Variants in CD207 observed in about 807,000 individuals in gnomAD.
The protein encoded by CD207 is CD207 molecule.
A neutral mutation model predicts 31.6 loss-of-function variants in CD207; 28 were observed. The ratio of observed to expected loss-of-function variants is 0.89; its 90% CI spans 0.66 to 1.21. The LOEUF is 1.21. Ranked by LOEUF, CD207 falls within the 50% of genes most tolerant of loss-of-function variation. The pLI, the probability that CD207 is intolerant of heterozygous loss-of-function variation, is 0.00. For missense variants in CD207, 388 were observed against 397.8 expected, an observed-to-expected ratio of 0.98 and a Z score of 0.21; for synonymous variants, 168 against 153.9, an observed-to-expected ratio of 1.09 and a Z score of -0.68.
chr2:70,825,994 A>G (rs1328439747), downstream of CD207, among the ~76,000 whole-genome samples: 16 of 92,932 alleles, frequency 1.7e-4, 1 homozygote, highest in African/African-American at 5.3e-4. Context: ...AAAATTAAAA[A>G]AAAATTAGCT....
chr2:70,828,443 A>C (rs965973603), downstream of CD207, among the ~76,000 whole-genome samples: 1 of 152,142 alleles, frequency 6.6e-6, no homozygotes. Context: ...ACACATCCTC[A>C]CTGACTCAGG....
rs782617460 is a variant in CD207, at chr2:70,832,975, C to A, written c.642G>T (p.Lys214Asn). 4 of 1,614,026 alleles carry A rather than the reference C, an allele frequency of 2.5e-6. No homozygotes were observed. The highest frequency in any genetic ancestry group is 1.1e-5 in the South Asian group (1 of 91,086). The change falls in exon 4 of 6, where the codon AAG becomes AAT. Residue 214 changes from lysine (K) to asparagine (N), a missense_variant. Coordinates refer to ENST00000410009, the MANE Select transcript of CD207 (RefSeq NM_015717.5). ...GNFYYFSLIP[K>N]TWYSAEQFCV... ...AGAACTGCTCGGCACTATACCAGGT[C>A]TTTGGAATGAGAGAAAAGTAATAGA...
chr2:70,831,902 A>G, intron 4 of CD207, 83 bp from the exon 5 acceptor site: 1 of 908,372 alleles, frequency 1.1e-6, no homozygotes, highest in Non-Finnish European at 1.8e-6. Flanking sequence ...ACCTGCGCTC[A>G]GTGACAGCCC....
downstream of CD207, among the ~76,000 whole-genome samples, chr2:70,829,721 T>G (rs1419129325): frequency 6.6e-6 from 1 of 152,212 alleles, no homozygotes; most frequent in African/African-American, 2.4e-5. Context: ...TGTGACCCAT[T>G]TGCACCCAGA....
At chr2:70,829,810 C>A (rs782683149), downstream of CD207, among the ~76,000 whole-genome samples, 1 of 152,082 alleles carries the variant, frequency 6.6e-6, no homozygotes, top group Non-Finnish European at 1.5e-5. Context: ...CTCACTCCAC[C>A]CTCCTCTCCT....
downstream of CD207, among the ~76,000 whole-genome samples, chr2:70,827,293 G>A (rs541060780): frequency 2.6e-5 from 4 of 152,206 alleles, no homozygotes; most frequent in East Asian, 7.7e-4. Context: ...AAATTGGGTA[G>A]CCTGTGTTTT....
In CD207 at chr2:70,835,474, G is replaced by C. The variant is rs782391335; in HGVS notation, c.190+17C>G. The C allele has an allele frequency of 2.5e-6, 4 of 1,581,404 alleles. No individual in the cohort carries two copies. The highest frequency in any genetic ancestry group is 3.5e-6 in the Non-Finnish European group (4 of 1,151,302). The stretch of plus-strand genomic sequence containing the variant: ...CAGAGAGGGGCTAAGCCCAGACGAT[G>C]AAACATGAGGACTTACAAAGGACGG... On this transcript the variant is annotated intron_variant, in intron 2 of 5. Transcript: ENST00000410009.
chr2:70,834,653 A>T (rs1350983599), intron 2 of CD207, among the ~76,000 whole-genome samples: 1 of 152,218 alleles, frequency 6.6e-6, no homozygotes, highest in Non-Finnish European at 1.5e-5. Flanking sequence ...AGAGAGGATC[A>T]AAGATAAACC....
intron 3 of CD207, 86 bp downstream of exon 3, chr2:70,833,560 C>T: frequency 7.0e-7 from 1 of 1,423,890 alleles, no homozygotes. Context: ...CCTCCCCAAC[C>T]CACCAGCCCA....
chr2:70,829,815 TC>T (rs1553399368), downstream of CD207, among the ~76,000 whole-genome samples: 3 of 152,152 alleles, frequency 2.0e-5, no homozygotes, highest in Non-Finnish European at 4.4e-5. Context: ...TCCACCCTCC[TC>T]TCCTCTCTGT....
chr2:70,833,164 T>C, intron 3 of CD207, 113 bp from the exon 4 acceptor site: 7 of 955,350 alleles, frequency 7.3e-6, no homozygotes, highest in Non-Finnish European at 1.1e-5. Flanking sequence ...AGCTGTGCGC[T>C]GGTGTCCTTG....
At chr2:70,826,784 C>A (rs1677356378), downstream of CD207, among the ~76,000 whole-genome samples, 1 of 152,210 alleles carries the variant, frequency 6.6e-6, no homozygotes, top group Non-Finnish European at 1.5e-5. Flanking sequence ...AAAGGAAGAA[C>A]CACAAGAGTG....
At chr2:70,831,335 T>C (rs1677466640) in intron 5 of CD207, 135 bp from the exon 6 acceptor site, 1 of 876,062 alleles carries the variant, frequency 1.1e-6, no homozygotes, top group Non-Finnish European at 1.7e-6. Context: ...CACCCAAGCC[T>C]CAGAGGAAGG....
At position 70,835,740 on chromosome 2, in the gene CD207, T is replaced by C. The variant is rs1558630843; in HGVS notation, c.37A>G (p.Thr13Ala). ...AGGGAGATGTTCTGTTTGTCCACAG[T>C]GAAGTGCGCATCAGGGGCCTCCTTC... is the stretch of plus-strand genomic sequence containing the variant. ...VEKEAPDAHF[T>A]VDKQNISLWP... The change falls in exon 1 of 6, where the codon ACT becomes GCT. Residue 13 changes from threonine (T) to alanine (A), a missense_variant. Thr to Ala is a moderately conservative substitution (Grantham distance 58). Coordinates refer to ENST00000410009, the MANE Select transcript of CD207 (RefSeq NM_015717.5). 1 of 1,613,188 alleles carries C rather than the reference T, an allele frequency of 6.2e-7. No individual in the cohort carries two copies. The highest frequency in any genetic ancestry group is 1.7e-5 in the Admixed American group (1 of 59,890).
In CD207 at chr2:70,834,388, C is replaced by T. The variant is rs139574661; in HGVS notation, c.191-368G>A. 1.2e-4 allele frequency among the ~76,000 whole-genome samples: 18 copies of T among 152,150 alleles called. 1 individual carries two copies. The East Asian group carries it at 3.5e-3, about 29-fold the overall frequency. ...ATGAGCCCCACCACTGTCCCCAGAA[C>T]TTGATTCCCCCTAGACCCCACCCCT... On this transcript the variant is annotated intron_variant, in intron 2 of 5. Transcript: ENST00000410009.
chr2:70,828,038 A>G (rs1677386848), downstream of CD207, among the ~76,000 whole-genome samples: 1 of 152,238 alleles, frequency 6.6e-6, no homozygotes, highest in African/African-American at 2.4e-5. Context: ...ATGTAATACA[A>G]TAAATACCCA....
chr2:70,829,517 C>G (rs79954807), downstream of CD207, among the ~76,000 whole-genome samples: 2,692 of 152,214 alleles, frequency 0.018, 70 homozygotes, highest in African/African-American at 0.062. Flanking sequence ...GAAGTGAAAC[C>G]CATTAAGTAG....
chr2:70,831,857 C>T, intron 4 of CD207, 38 bp from the exon 5 acceptor site: 1 of 1,311,994 alleles, frequency 7.6e-7, no homozygotes, highest in Non-Finnish European at 1.1e-6. Flanking sequence ...TGCGGCCACA[C>T]TTGGAGCTTG....
downstream of CD207, among the ~76,000 whole-genome samples, chr2:70,828,595 G>A (rs901813733): frequency 2.6e-5 from 4 of 152,188 alleles, no homozygotes; most frequent in African/African-American, 9.6e-5. Context: ...AGCCCTTCAG[G>A]CTGCCCTCCG....
Sources: allele counts gnomAD v4.1 joint callset (sites outside exome capture counted in the v4.1 genomes callset), GRCh38; gene constraint gnomAD v4.1.1; transcripts MANE v1.5; gene names NCBI Gene and HGNC (gene_info 2026-07-23, HGNC 2026-07-21).